Variants in EFCAB6 observed in about 807,000 individuals in gnomAD.
EFCAB6 encodes the protein EF-hand calcium binding domain 6, also known as EF-hand calcium-binding domain-containing protein 6.
EFCAB6 carries 156 observed loss-of-function variants against 169.8 expected under a neutral mutation model. That is an observed-to-expected ratio of 0.92 (90% CI 0.81 to 1.05). The LOEUF is 1.05. EFCAB6 is among the 50% of genes least tolerant of loss of function. The pLI, the probability that EFCAB6 is intolerant of heterozygous loss-of-function variation, is 0.00. For missense variants in EFCAB6, 1,800 were observed against 1,829.1 expected, an observed-to-expected ratio of 0.98 and a Z score of 0.29; for synonymous variants, 698 against 676.4, an observed-to-expected ratio of 1.03 and a Z score of -0.50.
intron 10 of EFCAB6, 27 bp downstream of exon 10, chr22:43,711,448 A>T (rs1220576710): frequency 6.5e-7 from 1 of 1,537,958 alleles, no homozygotes; most frequent in Admixed American, 2.3e-5. Flanking sequence ...GGGGAAAAAA[A>T]TGTCAAGGAA....
chr22:43,601,949 G>A lies in EFCAB6; in HGVS notation c.2682-1686C>T, dbSNP rs147682107. ...CACCTGCTGCCTCAACACAGCATTC[G>A]CCCCATTCTCCACATGGACTCCACC... On this transcript the variant is annotated intron_variant, in intron 22 of 31. Coordinates refer to ENST00000262726, the MANE Select transcript of EFCAB6 (RefSeq NM_022785.4). Among the ~76,000 whole-genome samples the A allele has an allele frequency of 3.2e-3, 490 of 152,292 alleles. 2 individuals carry two copies. The highest frequency in any genetic ancestry group is 0.011 in the African/African-American group (476 of 41,560).
At position 43,632,132 on chromosome 22, in the gene EFCAB6, G is replaced by C. The variant is rs780658904; in HGVS notation, c.2205C>G (p.Phe735Leu). 4.6e-5 allele frequency: 75 copies of C among 1,614,026 alleles called. No individual in the cohort carries two copies. Among genetic ancestry groups the C allele is most frequent in the Non-Finnish European group, 5.9e-5 (70 of 1,180,026 alleles). Residue 735 changes from phenylalanine to leucine, a missense_variant, in exon 19 of 32, where the codon TTC becomes TTG. Phe to Leu is a conservative substitution (Grantham distance 22). Transcript: ENST00000262726. ...GGAATGACTCCTTCAGCCTCCTAGG[G>C]AAAAGCTTCAGGCATTCTTCTGCGG... ...FITAEECLKL[F>L]PRRLKESFRD...
chr22:43,613,184 CAT>C (rs201497749), intron 21 of EFCAB6, among the ~76,000 whole-genome samples: 2,949 of 146,576 alleles, frequency 0.02, 97 homozygotes, highest in African/African-American at 0.07. Flanking sequence ...ATTTATATAA[CAT>C]ATATATTAAT....
At chr22:43,605,203 C>A (rs1176345818) in intron 22 of EFCAB6, among the ~76,000 whole-genome samples, 2 of 152,358 alleles carry the variant, frequency 1.3e-5, no homozygotes, top group Admixed American at 1.3e-4. Context: ...CTTCTAACCA[C>A]ACAAACTGCC....
In EFCAB6 at chr22:43,588,688, T is replaced by C. The variant is rs188964807; in HGVS notation, c.3032+1386A>G. On this transcript the variant is annotated intron_variant, in intron 24 of 31. Transcript: ENST00000262726. ...AGAAACTTTCTAAGAATTTAGAACA[T>C]GAAAAGGGCAATCTTCAAGAAGATG... Among the ~76,000 whole-genome samples, 397 of 152,014 alleles carry C rather than the reference T, an allele frequency of 2.6e-3. 2 individuals are homozygous for C. Among genetic ancestry groups the C allele is most frequent in the Middle Eastern group, 6.8e-3 (2 of 294 alleles).
At chr22:43,776,731 G>A (rs1485803720) in intron 3 of EFCAB6, among the ~76,000 whole-genome samples, 1 of 152,188 alleles carries the variant, frequency 6.6e-6, no homozygotes, top group African/African-American at 2.4e-5. Context: ...AGGTAGGATG[G>A]AGAACAGTGA....
At chr22:43,540,503 C>T (rs77935335) in intron 27 of EFCAB6, 146 bp from the exon 28 acceptor site, 98,830 of 1,535,760 alleles carry the variant, frequency 0.064, 3,778 homozygotes, top group African/African-American at 0.15. Flanking sequence ...AAAAATAAAA[C>T]GCCCATTTGG....
chr22:43,597,352 A>AG (rs2052095464), intron 23 of EFCAB6, among the ~76,000 whole-genome samples: 1 of 152,212 alleles, frequency 6.6e-6, no homozygotes, highest in African/African-American at 2.4e-5. Flanking sequence ...CCATCTGACA[A>AG]GGGATTAATA....
chr22:43,537,904 T>C lies in EFCAB6; in HGVS notation c.3880-359A>G, dbSNP rs769225387. On this transcript the variant is annotated intron_variant, in intron 28 of 31. Transcript: ENST00000262726. The surrounding 1 kb of genome is among the most constrained non-coding windows in gnomAD (Gnocchi z 4.3). ...GGAAGAGTCTTATCCAAGAAAGGGA[T>C]TTACTTGTCCTGGGCACAAGACATC... Among the ~76,000 whole-genome samples, 1 of 152,158 alleles carries C rather than the reference T, an allele frequency of 6.6e-6. No individual in the cohort carries two copies. Among genetic ancestry groups the C allele is most frequent in the Non-Finnish European group, 1.5e-5 (1 of 68,014 alleles).
At chr22:43,692,682 C>T (rs1046463754) in intron 10 of EFCAB6, among the ~76,000 whole-genome samples, 1 of 151,894 alleles carries the variant, frequency 6.6e-6, no homozygotes, top group Non-Finnish European at 1.5e-5. Context: ...CTGAACCCAA[C>T]CAATATGAAG....
At position 43,626,651 on chromosome 22, in the gene EFCAB6, T is replaced by C. The variant is rs750698954; in HGVS notation, c.2261A>G (p.Asp754Gly). The change falls in exon 20 of 32, where the codon GAT becomes GGT. Residue 754 changes from aspartate to glycine, a missense_variant. Physicochemically the swap from Asp to Gly is moderately conservative, Grantham distance 94. Transcript: ENST00000262726. ...RDPYSAFFKTDADRDGIINMH... is the reference protein window; with the variant it reads ...RDPYSAFFKTGADRDGIINMH... ...GTTGATTATGCCATCCCTGTCAGCA[T>C]CTGTTTTAAAGAAGGCAGAGTAGGG... 9 of 1,614,064 alleles carry C rather than the reference T, an allele frequency of 5.6e-6. No individual in the cohort carries two copies. The highest frequency in any genetic ancestry group is 7.6e-6 in the Non-Finnish European group (9 of 1,180,046).
chr22:43,535,112 C>T (rs897198019), intron 29 of EFCAB6: 9 of 504,712 alleles, frequency 1.8e-5, no homozygotes, highest in African/African-American at 1.8e-4. Flanking sequence ...TGCATGGTCA[C>T]AGCTTATGGA....
chr22:43,579,925 C>T (rs543266477), intron 25 of EFCAB6, among the ~76,000 whole-genome samples: 9 of 151,440 alleles, frequency 5.9e-5, no homozygotes, highest in South Asian at 2.1e-4. Flanking sequence ...ATTCCCTACA[C>T]GCAGGCATCA....
intron 17 of EFCAB6, among the ~76,000 whole-genome samples, chr22:43,658,046 T>C (rs1001814255): frequency 2.0e-5 from 3 of 151,894 alleles, no homozygotes; most frequent in African/African-American, 7.3e-5. Context: ...CTGGCCAACA[T>C]GGTGAAACCC....
chr22:43,669,894 C>T (rs542543669), intron 15 of EFCAB6, among the ~76,000 whole-genome samples: 1 of 152,300 alleles, frequency 6.6e-6, no homozygotes, highest in African/African-American at 2.4e-5. Context: ...CTTCTTCACT[C>T]GATTCTTTTA....
At chr22:43,788,112 T>G (rs1350545675) in intron 2 of EFCAB6, among the ~76,000 whole-genome samples, 1 of 152,078 alleles carries the variant, frequency 6.6e-6, no homozygotes, top group Non-Finnish European at 1.5e-5. Flanking sequence ...ATATAAGAAC[T>G]AAAACTACAG....
Position 43,559,468 on chromosome 22 carries a change from T to C in EFCAB6, c.3421-4372A>G, listed in dbSNP as rs1602254973. On this transcript the variant is annotated intron_variant, in intron 26 of 31. Transcript: ENST00000262726. ...AGACAGTGTGGTGATTCCTCAAAGA[T>C]CTAGAACCAGAAATATCATTTGACC... Among the ~76,000 whole-genome samples the C allele has an allele frequency of 2.0e-5, 3 of 152,304 alleles. No individual in the cohort carries two copies. The Middle Eastern group carries it at 0.01, about 518-fold the overall frequency.
chr22:43,720,542 C>G (rs368949328), intron 8 of EFCAB6, among the ~76,000 whole-genome samples: 3 of 150,404 alleles, frequency 2.0e-5, no homozygotes, highest in African/African-American at 7.3e-5. Context: ...GAAATGAAGA[C>G]TAAACTAAAA....
intron 13 of EFCAB6, among the ~76,000 whole-genome samples, chr22:43,676,201 A>G (rs2057749763): frequency 6.6e-6 from 1 of 151,998 alleles, no homozygotes; most frequent in South Asian, 2.1e-4. Context: ...GCAGATCACA[A>G]GGTCAGGAGA....
Sources: gnomAD v4.1 joint callset for allele counts (sites outside exome capture counted in the v4.1 genomes callset) on GRCh38, gnomAD v4.1.1 for gene constraint, Gnocchi (gnomAD v3.1) non-coding constraint, MANE v1.5 for transcripts, NCBI Gene and HGNC (gene_info 2026-07-23, HGNC 2026-07-21) for gene names.